SBNO1: variants seen among roughly 807,000 people sequenced by gnomAD.
The protein encoded by SBNO1 is strawberry notch homolog 1.
Under a neutral mutation model 173.6 loss-of-function variants are expected in SBNO1, and 23 were observed. That is an observed-to-expected ratio of 0.13 (90% CI 0.10 to 0.19). The LOEUF (loss-of-function observed/expected upper bound fraction) is 0.19. SBNO1 is among the 10% of genes least tolerant of loss of function. SBNO1 has a pLI of 1.00. For missense variants in SBNO1, 1,238 were observed against 1,671.2 expected (o/e 0.74, Z 4.52); for synonymous variants, 632 against 571.5 (o/e 1.11, Z -1.51).
chr12:123,290,179 G>A lies in SBNO1; in HGVS notation c.*5729C>T, dbSNP rs1021615294. On this transcript the variant is annotated 3_prime_UTR_variant, in exon 32 of 32. Transcript: ENST00000602398. ...CCAACCACAGCACGGCTTCCCCATG[G>A]GCGCCAGAGGGAGACTGAGCAAGGA... The A allele has an allele frequency of 6.6e-6, 1 of 152,294 alleles. No homozygotes were observed. The highest frequency in any genetic ancestry group is 2.4e-5 in the African/African-American group (1 of 41,458). The allele number at this position is 152,294 out of a possible 1,614,324, so 9.4% of individuals were successfully genotyped here. A position where few individuals can be genotyped will look rare whatever the true frequency, so the allele number is the denominator to read the frequency against.
intron 1 of SBNO1, among the ~76,000 whole-genome samples, chr12:123,353,057 C>A (rs1022970841): frequency 6.6e-6 from 1 of 152,176 alleles, no homozygotes; most frequent in Admixed American, 6.5e-5. Context: ...CTCGGCTTCC[C>A]AAAGTGCTAG....
chr12:123,302,979 G>C (rs1205978822), intron 29 of SBNO1, 79 bp from the exon 30 acceptor site: 1 of 1,040,230 alleles, frequency 9.6e-7, no homozygotes, highest in Non-Finnish European at 1.5e-6. Flanking sequence ...TGTAATTCTA[G>C]AGGTAGCCAA....
At chr12:123,316,943 GCACC>G (rs987364311) in intron 21 of SBNO1, among the ~76,000 whole-genome samples, 44 of 149,228 alleles carry the variant, frequency 2.9e-4, no homozygotes, top group Admixed American at 2.8e-3. Context: ...CTCAAGTGAT[GCACC>G]CACCTCAGCC....
rs1161655301 is a variant in SBNO1, at chr12:123,338,296, T to C, written c.652-1805A>G. ...AGCCAGGCATGGTGGCTCACGCCTG[T>C]AATCCCAGCACTTGGGCAAGCAGGG... On this transcript the variant is annotated intron_variant, in intron 5 of 31. Coordinates refer to ENST00000602398, the MANE Select transcript of SBNO1 (RefSeq NM_001167856.3). 4.6e-5 allele frequency among the ~76,000 whole-genome samples: 4 copies of C among 86,834 alleles called. No homozygotes were observed. The East Asian group carries it at 1.0e-3, about 22-fold the overall frequency. The allele number at this position is 86,834 out of a possible 152,430, so 57.0% of individuals were successfully genotyped here. A position where few individuals can be genotyped will look rare whatever the true frequency, so the allele number is the denominator to read the frequency against.
intron 21 of SBNO1, among the ~76,000 whole-genome samples, chr12:123,316,001 T>G (rs1452068371): frequency 6.6e-6 from 1 of 152,110 alleles, no homozygotes; most frequent in East Asian, 1.9e-4. Context: ...CATATAGAAG[T>G]AGCAGCTTCT....
In SBNO1 at chr12:123,344,611, G is replaced by A. The variant is rs527660485; in HGVS notation, c.550+647C>T. Among the ~76,000 whole-genome samples, 4 of 152,312 alleles carry A rather than the reference G, an allele frequency of 2.6e-5. No homozygotes were observed. The East Asian group carries it at 7.7e-4, about 29-fold the overall frequency. On this transcript the variant is annotated intron_variant, in intron 4 of 31. Transcript: ENST00000602398. ...CTGTAATCCCAACAACACTTTGGGA[G>A]GCTAAGGTGGGCAGACTGCCTGAGC...
chr12:123,336,437 TTTC>T lies in SBNO1; in HGVS notation c.703_705del (p.Glu235del), dbSNP rs1349634578. 2 of 1,612,956 alleles carry T rather than the reference TTTC, an allele frequency of 1.2e-6. No homozygotes were observed. The highest frequency in any genetic ancestry group is 3.3e-5 in the Admixed American group (2 of 59,846). ...TCTGCATAGGTTTCTGCATGACCCA[TTTC>T]TTCTTCATCTTCTTCCTCTGGTTCA... is the stretch of plus-strand genomic sequence containing the variant. On this transcript the variant is annotated inframe_deletion, in exon 6 of 32. Transcript: ENST00000602398.
At chr12:123,320,224 A>T (rs12371973) in intron 19 of SBNO1, among the ~76,000 whole-genome samples, 193 bp from the exon 20 acceptor site, 1 of 152,190 alleles carries the variant, frequency 6.6e-6, no homozygotes, top group Non-Finnish European at 1.5e-5. Flanking sequence ...AAGATGCGTG[A>T]TAAGTGCAGT....
At chr12:123,332,290 TTTTTG>T (rs1203375716) in intron 7 of SBNO1, among the ~76,000 whole-genome samples, 3 of 152,090 alleles carry the variant, frequency 2.0e-5, no homozygotes, top group African/African-American at 4.8e-5. Flanking sequence ...TTTTTGTTTG[TTTTTG>T]TTTTGTTTTG....
At chr12:123,308,566 C>T (rs1316729947) in intron 28 of SBNO1, among the ~76,000 whole-genome samples, 4 of 151,896 alleles carry the variant, frequency 2.6e-5, no homozygotes, top group Non-Finnish European at 5.9e-5. Context: ...CTGCTACTCT[C>T]GGGAGGCTGA....
chr12:123,343,159 A>G (rs772216445), intron 4 of SBNO1, among the ~76,000 whole-genome samples: 1 of 152,090 alleles, frequency 6.6e-6, no homozygotes, highest in Non-Finnish European at 1.5e-5. Context: ...CTTGAATTCA[A>G]GTGGCAGGGG....
intron 30 of SBNO1, among the ~76,000 whole-genome samples, chr12:123,299,509 G>A (rs879808418): frequency 5.3e-5 from 8 of 150,334 alleles, no homozygotes; most frequent in Non-Finnish European, 8.9e-5. Flanking sequence ...GTGAAACCCC[G>A]TCTCTACTAA....
intron 28 of SBNO1, among the ~76,000 whole-genome samples, 155 bp from the exon 29 acceptor site, chr12:123,304,874 G>T (rs1382507176): frequency 6.6e-6 from 1 of 152,150 alleles, no homozygotes; most frequent in Non-Finnish European, 1.5e-5. Context: ...TTGTTTAAAA[G>T]ACTAACACAG....
chr12:123,296,088 G>A, intron 31 of SBNO1, 38 bp from the exon 32 acceptor site: 3 of 1,382,102 alleles, frequency 2.2e-6, no homozygotes, highest in Non-Finnish European at 3.1e-6. Flanking sequence ...GTTGTGTCCA[G>A]AAGAAACCAC....
intron 21 of SBNO1, among the ~76,000 whole-genome samples, chr12:123,316,534 T>C (rs1869293441): frequency 1.3e-5 from 2 of 151,854 alleles, no homozygotes; most frequent in African/African-American, 4.8e-5. Context: ...TGTTTTTGTT[T>C]TTTGAGACAA....
intron 2 of SBNO1, among the ~76,000 whole-genome samples, chr12:123,349,689 G>C (rs1873653252): frequency 6.6e-6 from 1 of 152,182 alleles, no homozygotes; most frequent in Admixed American, 6.5e-5. Flanking sequence ...GGCTGAGGCA[G>C]GCAGATCACA....
chr12:123,330,506 A>G lies in SBNO1; in HGVS notation c.1047T>C (p.Phe349=). ...YLLSRKRALW[F]SVSNDLKYDA... ...CATACTTTAAGTCATTTGAAACACT[A>G]AACCTGCCAAAATATTAAAAAGCAC... Residue 349 remains phenylalanine, a synonymous_variant, in exon 9 of 32, where the codon TTT becomes TTC. Coordinates refer to ENST00000602398, the MANE Select transcript of SBNO1 (RefSeq NM_001167856.3). 3.2e-6 allele frequency: 5 copies of G among 1,553,148 alleles called. No individual in the cohort carries two copies. Among genetic ancestry groups the G allele is most frequent in the Non-Finnish European group, 4.4e-6 (5 of 1,138,624 alleles).
chr12:123,309,590 C>G lies in SBNO1; in HGVS notation c.3443-7G>C, dbSNP rs774715325. 12 of 1,611,070 alleles carry G rather than the reference C, an allele frequency of 7.4e-6. No individual in the cohort carries two copies. In the East Asian group the frequency reaches 2.7e-4, roughly 36 times the overall value. On this transcript the variant is annotated splice_polypyrimidine_tract_variant and splice_region_variant and intron_variant, in intron 26 of 31. Coordinates refer to ENST00000602398, the MANE Select transcript of SBNO1 (RefSeq NM_001167856.3). Reference sequence around the variant, plus strand: ...TCATCTCCAGAACCAAGATCTTGAACAAGAAAAAGAAACATGTAAATGTAA... The same window carrying G: ...TCATCTCCAGAACCAAGATCTTGAAGAAGAAAAAGAAACATGTAAATGTAA...
Position 123,292,053 on chromosome 12 carries a change from G to A in SBNO1, c.*3855C>T, listed in dbSNP as rs2048520369. On this transcript the variant is annotated 3_prime_UTR_variant, in exon 32 of 32. Transcript: ENST00000602398. ...TTTTTTTTTGCAGTTTTTGCTCTCA[G>A]CTGTAGCCCTGACATGAAACGCTTG... is the stretch of plus-strand genomic sequence containing the variant. The A allele has an allele frequency of 6.8e-6, 1 of 147,100 alleles. No individual in the cohort carries two copies. Among genetic ancestry groups the A allele is most frequent in the Non-Finnish European group, 1.5e-5 (1 of 67,410 alleles). The allele number at this position is 147,100 out of a possible 1,614,324, so 9.1% of individuals were successfully genotyped here.
Sources: allele counts gnomAD v4.1 joint callset (sites outside exome capture counted in the v4.1 genomes callset), GRCh38; gene constraint gnomAD v4.1.1; transcripts MANE v1.5; gene names NCBI Gene and HGNC (gene_info 2026-07-23, HGNC 2026-07-21).